GTF2A1L: variants seen among roughly 807,000 people sequenced by gnomAD.
GTF2A1L encodes TFIIA-alpha and beta-like factor.
A neutral mutation model predicts 49.7 loss-of-function variants in GTF2A1L; 48 were observed. The ratio of observed to expected loss-of-function variants is 0.97; its 90% CI spans 0.77 to 1.23. The LOEUF (loss-of-function observed/expected upper bound fraction) is 1.23, where lower values mean the gene tolerates loss of function less well. GTF2A1L is among the 50% of genes most tolerant of loss of function. The probability of loss-of-function intolerance (pLI) is 0.00; values close to 1 mark genes in which losing one functional copy is unlikely to be tolerated. For synonymous variants in GTF2A1L, 246 were observed against 193.5 expected, an observed-to-expected ratio of 1.27 and a Z score of -2.25; for missense variants, 736 against 564.8, an observed-to-expected ratio of 1.30 and a Z score of -3.07.
At chr2:48,621,548 T>C (rs111744020) in intron 3 of GTF2A1L, among the ~76,000 whole-genome samples, 1 of 152,216 alleles carries the variant, frequency 6.6e-6, no homozygotes, top group African/African-American at 2.4e-5. Flanking sequence ...GAAAGTCACA[T>C]AGTTTGTCAG....
At chr2:48,635,282 T>A (rs1221127747) in intron 3 of GTF2A1L, among the ~76,000 whole-genome samples, 5 of 152,202 alleles carry the variant, frequency 3.3e-5, no homozygotes, top group Non-Finnish European at 7.4e-5. Context: ...TGGATCAGGC[T>A]GTTAATCAAG....
chr2:48,630,805 T>C, intron 3 of GTF2A1L, among the ~76,000 whole-genome samples: 1 of 104,644 alleles, frequency 9.6e-6, no homozygotes, highest in East Asian at 2.2e-4. Context: ...TTCTTGAGGG[T>C]TTTTCTTTTA....
chr2:48,647,685 A>T (rs544961848), intron 6 of GTF2A1L, among the ~76,000 whole-genome samples: 3 of 152,124 alleles, frequency 2.0e-5, no homozygotes, highest in South Asian at 2.1e-4. Context: ...CTCCCTGCCT[A>T]CTAAAATACT....
chr2:48,651,576 G>A (rs73931111), intron 6 of GTF2A1L, among the ~76,000 whole-genome samples: 7,463 of 151,908 alleles, frequency 0.049, 566 homozygotes, highest in African/African-American at 0.17. Context: ...TAAAGAAAGC[G>A]TTGCTGTCTA....
chr2:48,662,445 C>T (rs6545056), intron 6 of GTF2A1L, among the ~76,000 whole-genome samples: 152,233 of 152,260 alleles, frequency 1, 76,103 homozygotes, highest in Middle Eastern at 1. Context: ...GAAAATCTAA[C>T]TATAATGAAT....
intron 3 of GTF2A1L, among the ~76,000 whole-genome samples, chr2:48,631,802 C>A (rs547835619): frequency 1.3e-5 from 2 of 152,230 alleles, no homozygotes; most frequent in South Asian, 4.1e-4. Flanking sequence ...TAGTACTATA[C>A]AGTTTCCTCT....
intron 6 of GTF2A1L, among the ~76,000 whole-genome samples, chr2:48,652,480 G>A (rs1471821331): frequency 1.3e-5 from 2 of 151,316 alleles, no homozygotes; most frequent in Admixed American, 6.6e-5. Context: ...GCGGAGTGTG[G>A]TGGCAGGCAC....
At chr2:48,638,479 G>T (rs142160714) in intron 3 of GTF2A1L, among the ~76,000 whole-genome samples, 2 of 152,230 alleles carry the variant, frequency 1.3e-5, no homozygotes, top group African/African-American at 4.8e-5. Flanking sequence ...GAAACCAAAT[G>T]CTTATCTCAA....
At chr2:48,645,174 A>G (rs1273902296) in intron 5 of GTF2A1L, 57 bp downstream of exon 5, 2 of 1,469,398 alleles carry the variant, frequency 1.4e-6, no homozygotes, top group African/African-American at 1.4e-5. Context: ...TTTTTTGGAC[A>G]TTAAGCTTCA....
intron 3 of GTF2A1L, chr2:48,632,418 C>T (rs567091619): frequency 1.3e-5 from 2 of 151,154 alleles, no homozygotes; most frequent in African/African-American, 4.9e-5. Context: ...GAGTCTTACT[C>T]TGTCACTAGG....
At chr2:48,659,615 T>C (rs1379511357) in intron 6 of GTF2A1L, among the ~76,000 whole-genome samples, 1 of 152,116 alleles carries the variant, frequency 6.6e-6, no homozygotes, top group Non-Finnish European at 1.5e-5. Context: ...TTGGGGTGTC[T>C]TTCCATTGAT....
chr2:48,671,241 C>T (rs754342921), intron 7 of GTF2A1L, among the ~76,000 whole-genome samples: 1 of 150,864 alleles, frequency 6.6e-6, no homozygotes. Context: ...CTCGCTCTGT[C>T]GCTCAGGCTT....
rs1439180144 is a variant in GTF2A1L, at chr2:48,674,634, AC to A, written c.1329+2955del. Among the ~76,000 whole-genome samples, 21 of 152,298 alleles carry A rather than the reference AC, an allele frequency of 1.4e-4. 1 individual carries two copies. The South Asian group carries it at 1.9e-3, about 14-fold the overall frequency. On this transcript the variant is annotated intron_variant, in intron 8 of 8. Transcript: ENST00000403751. ...ACAATATATTGCCTTCTATAAAAAA[AC>A]ATTATAAGGTACTTAATTATATATA...
chr2:48,660,757 C>G (rs1161806075), intron 6 of GTF2A1L, among the ~76,000 whole-genome samples: 1 of 152,068 alleles, frequency 6.6e-6, no homozygotes, highest in Non-Finnish European at 1.5e-5. Context: ...TCTTGTGCCT[C>G]AGCCGCCTGA....
chr2:48,629,321 T>A (rs1332727748), intron 3 of GTF2A1L, among the ~76,000 whole-genome samples: 1 of 144,014 alleles, frequency 6.9e-6, no homozygotes, highest in Non-Finnish European at 1.6e-5. Flanking sequence ...TGATTTTGAA[T>A]TTTGATGAGG....
intron 3 of GTF2A1L, among the ~76,000 whole-genome samples, chr2:48,637,367 T>C (rs762050865): frequency 6.6e-6 from 1 of 152,206 alleles, no homozygotes; most frequent in Non-Finnish European, 1.5e-5. Flanking sequence ...CTTAAAATTA[T>C]GTTTGTGGAG....
chr2:48,663,622 A>G (rs1423070008), intron 6 of GTF2A1L, among the ~76,000 whole-genome samples: 1 of 152,188 alleles, frequency 6.6e-6, no homozygotes, highest in African/African-American at 2.4e-5. Flanking sequence ...AATGCTATAT[A>G]ATAAACATTT....
At chr2:48,623,484 A>T (rs147699592) in intron 3 of GTF2A1L, among the ~76,000 whole-genome samples, 217 of 152,312 alleles carry the variant, frequency 1.4e-3, no homozygotes, top group Admixed American at 2.9e-3. Flanking sequence ...TGGGAATGTA[A>T]ATTTGTTCAG....
intron 2 of GTF2A1L, 99 bp from the exon 3 acceptor site, chr2:48,621,068 A>G (rs897178621): frequency 2.6e-6 from 4 of 1,517,504 alleles, no homozygotes; most frequent in African/African-American, 1.4e-5. Flanking sequence ...TCATTGTGCC[A>G]TCAGGATGAC....
Sources: gnomAD v4.1 joint callset for allele counts (sites outside exome capture counted in the v4.1 genomes callset) on GRCh38, gnomAD v4.1.1 for gene constraint, MANE v1.5 for transcripts, NCBI Gene and HGNC (gene_info 2026-07-23, HGNC 2026-07-21) for gene names.